Variants in ZNF736 observed in about 807,000 individuals in gnomAD.
ZNF736 encodes KRAB-containing zinc-finger repressor protein.
In ZNF736, 6 loss-of-function variants were observed where a neutral mutation model predicts 11.7. That is an observed-to-expected ratio of 0.51 (90% CI 0.28 to 1.01). ZNF736 has a LOEUF of 1.01. Among genes scored for constraint, ZNF736 ranks in the 50% least tolerant of loss-of-function variants. ZNF736 has a pLI of 0.09. For synonymous variants in ZNF736, 139 were observed against 164.7 expected, an observed-to-expected ratio of 0.84 and a Z score of 1.19; for missense variants, 444 against 496.0, an observed-to-expected ratio of 0.90 and a Z score of 1.00.
rs185291855 is a variant in ZNF736 at position 64,332,709 on chromosome 7, C to T, written c.4-3550C>T. ...CTCAACCACACAAGACAGACACTCC[C>T]AGAGCTGCCGTTTATAGACCTCCCC... On this transcript the variant is annotated intron_variant, in intron 1 of 3. Transcript: ENST00000423484. 2.6e-4 allele frequency among the ~76,000 whole-genome samples: 39 copies of T among 152,186 alleles called. 1 individual carries two copies. The highest frequency in any genetic ancestry group is 3.4e-3 in the Middle Eastern group (1 of 294).
intron 1 of ZNF736, among the ~76,000 whole-genome samples, chr7:64,333,904 C>T (rs1789208728): frequency 6.6e-6 from 1 of 152,162 alleles, no homozygotes; most frequent in Non-Finnish European, 1.5e-5. Flanking sequence ...TACTACAAGG[C>T]TACAGTAACC....
At chr7:64,334,749 C>A (rs1789220976) in intron 1 of ZNF736, among the ~76,000 whole-genome samples, 1 of 152,110 alleles carries the variant, frequency 6.6e-6, no homozygotes, top group African/African-American at 2.4e-5. Context: ...GGATCTAGAA[C>A]CAGAAATACC....
intron 1 of ZNF736, among the ~76,000 whole-genome samples, chr7:64,320,194 A>G (rs1788985145): frequency 6.6e-6 from 1 of 152,196 alleles, no homozygotes. Context: ...TCTGTAATCA[A>G]AACTTCTCCT....
chr7:64,316,281 C>CTA (rs1788916824), intron 1 of ZNF736, among the ~76,000 whole-genome samples: 1 of 152,266 alleles, frequency 6.6e-6, no homozygotes, highest in Admixed American at 6.5e-5. Flanking sequence ...CTCTAAAAAG[C>CTA]TAACTGCTTT....
chr7:64,345,461 T>C (rs1006216942), intron 3 of ZNF736, among the ~76,000 whole-genome samples: 8 of 151,684 alleles, frequency 5.3e-5, no homozygotes, highest in Admixed American at 3.9e-4. Flanking sequence ...TTGGGTGCGG[T>C]GGCTCATGCC....
intron 1 of ZNF736, among the ~76,000 whole-genome samples, chr7:64,328,866 A>G (rs1789119081): frequency 6.6e-6 from 1 of 151,874 alleles, no homozygotes; most frequent in South Asian, 2.1e-4. Context: ...GGGAAGTTCT[A>G]GTTATCCCTT....
chr7:64,336,130 G>C, intron 1 of ZNF736, 129 bp from the exon 2 acceptor site: 1 of 1,059,138 alleles, frequency 9.4e-7, no homozygotes, highest in Non-Finnish European at 1.4e-6. Flanking sequence ...TTCTGTGCTA[G>C]AAAGTATCCT....
chr7:64,340,522 A>G (rs767184258), intron 3 of ZNF736, among the ~76,000 whole-genome samples: 6 of 152,186 alleles, frequency 3.9e-5, no homozygotes, highest in African/African-American at 9.6e-5. Context: ...ACTTCAATCA[A>G]TCTTTAGTTC....
Position 64,351,510 on chromosome 7 carries a change from G to T in ZNF736, c.*2363G>T, listed in dbSNP as rs1319932704. The T allele has an allele frequency of 6.6e-6, 1 of 152,346 alleles. No homozygotes were observed. The highest frequency in any genetic ancestry group is 6.5e-5 in the Admixed American group (1 of 15,290). The allele number at this position is 152,346 out of a possible 1,614,324, so 9.4% of individuals were successfully genotyped here. A position where few individuals can be genotyped will look rare whatever the true frequency, so the allele number is the denominator to read the frequency against. On this transcript the variant is annotated 3_prime_UTR_variant, in exon 4 of 4. Transcript: ENST00000423484. ...CTTCCAGGGTACCTGAGACTGCCCT[G>T]TAAGCAGCTGTGGCCAGACTGGGTC...
At chr7:64,332,070 A>G (rs951751768) in intron 1 of ZNF736, among the ~76,000 whole-genome samples, 2 of 149,038 alleles carry the variant, frequency 1.3e-5, no homozygotes, top group African/African-American at 5.0e-5. Flanking sequence ...TGTGCAGATA[A>G]TCACACCTGG....
At chr7:64,327,197 C>CT (rs1245056807) in intron 1 of ZNF736, among the ~76,000 whole-genome samples, 1 of 152,144 alleles carries the variant, frequency 6.6e-6, no homozygotes, top group Middle Eastern at 3.2e-3. Flanking sequence ...CTTCATATAT[C>CT]TGAGTTCTCC....
At chr7:64,320,763 T>C (rs1788992287) in intron 1 of ZNF736, among the ~76,000 whole-genome samples, 1 of 152,214 alleles carries the variant, frequency 6.6e-6, no homozygotes, top group Non-Finnish European at 1.5e-5. Flanking sequence ...CTTATTAGAA[T>C]GTAGCCAGGC....
rs1408541480 is a variant in ZNF736, at chr7:64,349,094, C to T, written c.1231C>T (p.His411Tyr). The T allele has an allele frequency of 6.3e-7, 1 of 1,592,542 alleles. No homozygotes were observed. Among genetic ancestry groups the T allele is most frequent in the Admixed American group, 1.8e-5 (1 of 56,952 alleles). Residue 411 changes from histidine to tyrosine, a missense_variant, in exon 4 of 4, where the codon CAC becomes TAC. By Grantham distance (83) the His-to-Tyr change is moderately conservative. Transcript: ENST00000423484. ...ECGKASSWFS[H>Y]LIRHKRIHTR... Reference sequence around the variant, plus strand: ...TGGCAAAGCATCGAGCTGGTTCTCACACCTCATCAGACATAAGAGAATTCA... The same window carrying T: ...TGGCAAAGCATCGAGCTGGTTCTCATACCTCATCAGACATAAGAGAATTCA...
At position 64,354,330 on chromosome 7, in the gene ZNF736, A is replaced by G. The variant is rs1789527007; in HGVS notation, c.*5183A>G. The G allele has an allele frequency of 1.3e-5, 2 of 152,170 alleles. No individual in the cohort carries two copies. Among genetic ancestry groups the G allele is most frequent in the Non-Finnish European group, 2.9e-5 (2 of 68,004 alleles). The allele number at this position is 152,170 out of a possible 1,614,324, so 9.4% of individuals were successfully genotyped here. On this transcript the variant is annotated 3_prime_UTR_variant, in exon 4 of 4. Transcript: ENST00000423484. ...CACTGTAAAATAAACTTCAGGTGTA[A>G]CAGATTTATAGAGAAAGTAATCATA... is the stretch of plus-strand genomic sequence containing the variant.
intron 1 of ZNF736, among the ~76,000 whole-genome samples, chr7:64,325,176 A>G (rs930123734): frequency 2.6e-5 from 4 of 152,348 alleles, no homozygotes; most frequent in African/African-American, 9.6e-5. Flanking sequence ...GTAAAAAAAA[A>G]AAAAAGTTGG....
At chr7:64,340,932 T>C (rs1789328195) in intron 3 of ZNF736, among the ~76,000 whole-genome samples, 1 of 152,160 alleles carries the variant, frequency 6.6e-6, no homozygotes, top group Non-Finnish European at 1.5e-5. Flanking sequence ...CTGTGACTTT[T>C]CTCCTGCATT....
At chr7:64,334,840 T>C (rs1295808908) in intron 1 of ZNF736, among the ~76,000 whole-genome samples, 1 of 152,196 alleles carries the variant, frequency 6.6e-6, no homozygotes, top group African/African-American at 2.4e-5. Flanking sequence ...TGCACACATA[T>C]GTTTATTGCA....
chr7:64,314,628 C>T (rs1476136485), intron 1 of ZNF736, among the ~76,000 whole-genome samples: 1 of 152,120 alleles, frequency 6.6e-6, no homozygotes, highest in Non-Finnish European at 1.5e-5. Flanking sequence ...GGCTAAAGTG[C>T]ATTTCGGTTC....
intron 1 of ZNF736, among the ~76,000 whole-genome samples, chr7:64,322,721 TTATC>T (rs1013449165): frequency 6.6e-6 from 1 of 152,184 alleles, no homozygotes; most frequent in Admixed American, 6.5e-5. Flanking sequence ...AACAGATTAT[TTATC>T]GTTGAGTATA....
Sources: allele counts gnomAD v4.1 joint callset (sites outside exome capture counted in the v4.1 genomes callset), GRCh38; gene constraint gnomAD v4.1.1; transcripts MANE v1.5; gene names NCBI Gene and HGNC (gene_info 2026-07-23, HGNC 2026-07-21).